The following KCNH8 variants were observed in gnomAD, a reference collection of about 807,000 sequenced individuals.
KCNH8 encodes voltage-gated delayed rectifier potassium channel KCNH8.
A neutral mutation model predicts 103.6 loss-of-function variants in KCNH8; 70 were observed. That is an observed-to-expected ratio of 0.68 (90% CI 0.56 to 0.82). KCNH8 has a LOEUF of 0.82. KCNH8 is among the 40% of genes least tolerant of loss of function. The probability of loss-of-function intolerance (pLI) is 0.00; values close to 1 mark genes in which losing one functional copy is unlikely to be tolerated. For missense variants in KCNH8, 1,217 were observed against 1,329.9 expected, an observed-to-expected ratio of 0.92 and a Z score of 1.32; for synonymous variants, 498 against 489.4, an observed-to-expected ratio of 1.02 and a Z score of -0.23.
intron 11 of KCNH8, among the ~76,000 whole-genome samples, chr3:19,496,701 C>T (rs553376263): frequency 7.0e-4 from 106 of 152,120 alleles, no homozygotes; most frequent in African/African-American, 2.6e-3. Flanking sequence ...TGATACTGGC[C>T]TCATAAAATG....
chr3:19,320,045 T>C (rs1458372496), intron 3 of KCNH8, among the ~76,000 whole-genome samples: 1 of 151,974 alleles, frequency 6.6e-6, no homozygotes, highest in Non-Finnish European at 1.5e-5. Flanking sequence ...TTACCTGTTC[T>C]GGGAGTTTTT....
At chr3:19,264,800 A>C (rs560054795) in intron 2 of KCNH8, among the ~76,000 whole-genome samples, 1 of 152,178 alleles carries the variant, frequency 6.6e-6, no homozygotes, top group African/African-American at 2.4e-5. Context: ...TCCTTTCATC[A>C]ACCCTTTGAG....
intron 11 of KCNH8, among the ~76,000 whole-genome samples, chr3:19,458,789 C>G (rs531408739): frequency 6.6e-6 from 1 of 152,048 alleles, no homozygotes; most frequent in African/African-American, 2.4e-5. Flanking sequence ...CATCATTGTA[C>G]TCTCTGCTTC....
intron 1 of KCNH8, among the ~76,000 whole-genome samples, chr3:19,239,285 A>G (rs1003155824): frequency 4.6e-5 from 7 of 152,152 alleles, no homozygotes; most frequent in African/African-American, 1.2e-4. Context: ...TGTCACCTCA[A>G]GGTCACAAGA....
intron 1 of KCNH8, among the ~76,000 whole-genome samples, chr3:19,248,043 A>G (rs911361545): frequency 1.3e-5 from 2 of 152,192 alleles, no homozygotes; most frequent in Non-Finnish European, 2.9e-5. Flanking sequence ...AATTGAATTA[A>G]AAGTTTTACA....
rs1312112543 is a variant in KCNH8, at chr3:19,222,564, A to G, written c.77-31090A>G. ...TCCAGTCATCAATCTAACTGCAGTA[A>G]TGGATTTAGAAGATATCAGTAAAGC... On this transcript the variant is annotated intron_variant, in intron 1 of 15. Coordinates refer to ENST00000328405, the MANE Select transcript of KCNH8 (RefSeq NM_144633.3). Among the ~76,000 whole-genome samples the G allele has an allele frequency of 2.6e-5, 4 of 152,206 alleles. No individual in the cohort carries two copies. In the South Asian group the frequency reaches 6.2e-4, roughly 24 times the overall value.
At chr3:19,150,388 T>C (rs1209953795) in intron 1 of KCNH8, among the ~76,000 whole-genome samples, 1 of 152,160 alleles carries the variant, frequency 6.6e-6, no homozygotes, top group Non-Finnish European at 1.5e-5. Flanking sequence ...ACTAAAAGGC[T>C]GTAAACATTG....
chr3:19,450,919 G>T, intron 9 of KCNH8: 1 of 503,220 alleles, frequency 2.0e-6, no homozygotes, highest in Non-Finnish European at 3.6e-6. Flanking sequence ...CCTGCTAGAG[G>T]CTTTTTTAAT....
intron 11 of KCNH8, among the ~76,000 whole-genome samples, chr3:19,495,031 C>CT (rs1200576882): frequency 6.6e-5 from 10 of 152,092 alleles, no homozygotes; most frequent in East Asian, 3.9e-4. Context: ...CCTTTGCCCA[C>CT]TTTTTTATGG....
chr3:19,263,129 G>A (rs2064459107), intron 2 of KCNH8, among the ~76,000 whole-genome samples: 1 of 152,000 alleles, frequency 6.6e-6, no homozygotes, highest in South Asian at 2.1e-4. Flanking sequence ...TACTTCTTTG[G>A]AAGCCAAGAG....
intron 11 of KCNH8, among the ~76,000 whole-genome samples, chr3:19,490,295 A>G (rs2125223357): frequency 6.6e-6 from 1 of 152,322 alleles, no homozygotes; most frequent in African/African-American, 2.4e-5. Flanking sequence ...AAAGAGCTTT[A>G]TTCAACTGGG....
chr3:19,422,733 G>A (rs1019723074), intron 7 of KCNH8, among the ~76,000 whole-genome samples: 3 of 151,994 alleles, frequency 2.0e-5, no homozygotes, highest in African/African-American at 7.2e-5. Flanking sequence ...CTAGGCTTGG[G>A]AATCAAGTAT....
At chr3:19,498,093 G>C (rs1025808296) in intron 11 of KCNH8, among the ~76,000 whole-genome samples, 5 of 152,170 alleles carry the variant, frequency 3.3e-5, no homozygotes, top group African/African-American at 9.7e-5. Context: ...TTGCTTGGTA[G>C]ATTTTTCTTT....
At chr3:19,233,070 C>T (rs568693629) in intron 1 of KCNH8, among the ~76,000 whole-genome samples, 3 of 108,734 alleles carry the variant, frequency 2.8e-5, no homozygotes, top group African/African-American at 7.9e-5. Context: ...CTCCCCCCCC[C>T]CACCCCACTA....
chr3:19,318,269 A>G (rs891487184), intron 3 of KCNH8, among the ~76,000 whole-genome samples: 4 of 151,790 alleles, frequency 2.6e-5, no homozygotes, highest in African/African-American at 9.6e-5. Context: ...CAATTGATTT[A>G]TTTTATTTTA....
At chr3:19,418,547 A>G (rs1461232067) in intron 7 of KCNH8, among the ~76,000 whole-genome samples, 1 of 152,148 alleles carries the variant, frequency 6.6e-6, no homozygotes, top group African/African-American at 2.4e-5. Flanking sequence ...ATAAAGCCCA[A>G]ACAAAATATC....
chr3:19,360,411 TC>T (rs1250140484), intron 5 of KCNH8, among the ~76,000 whole-genome samples: 3 of 152,084 alleles, frequency 2.0e-5, no homozygotes, highest in African/African-American at 7.2e-5. Context: ...CAAATCTTTC[TC>T]CCTGTTTTTA....
intron 7 of KCNH8, among the ~76,000 whole-genome samples, chr3:19,428,698 A>G (rs1424195538): frequency 2.6e-5 from 4 of 152,258 alleles, no homozygotes. Context: ...ACTGACAGAA[A>G]AAGAATAAGT....
At chr3:19,426,560 G>C (rs2125161737) in intron 7 of KCNH8, among the ~76,000 whole-genome samples, 1 of 150,554 alleles carries the variant, frequency 6.6e-6, no homozygotes, top group East Asian at 1.9e-4. Flanking sequence ...TGGCATACAA[G>C]ATATGAAGTA....
Sources: gnomAD v4.1 joint callset for allele counts (sites outside exome capture counted in the v4.1 genomes callset) on GRCh38, gnomAD v4.1.1 for gene constraint, MANE v1.5 for transcripts, NCBI Gene and HGNC (gene_info 2026-07-23, HGNC 2026-07-21) for gene names.